The following TLE6 variants were observed in gnomAD, a reference collection of about 807,000 sequenced individuals.
TLE6 encodes TLE family member 6, subcortical maternal complex member.
A neutral mutation model predicts 77.1 loss-of-function variants in TLE6; 72 were observed. The ratio of observed to expected loss-of-function variants is 0.93; its 90% confidence interval spans 0.77 to 1.14. The LOEUF (loss-of-function observed/expected upper bound fraction) is 1.14. Among genes scored for constraint, TLE6 ranks in the 50% most tolerant of loss-of-function variants. TLE6 has a pLI of 0.00. For synonymous variants in TLE6, 366 were observed against 287.3 expected (o/e 1.27, Z -2.77); for missense variants, 843 against 747.6 (o/e 1.13, Z -1.49).
chr19:2,982,336 G>A (rs940826650), intron 5 of TLE6, 147 bp downstream of exon 5: 46 of 810,654 alleles, frequency 5.7e-5, no homozygotes, highest in Admixed American at 1.5e-4. Flanking sequence ...TCAGGAGTTC[G>A]AGACCAGCCT....
intron 5 of TLE6, among the ~76,000 whole-genome samples, chr19:2,985,840 C>CA: frequency 2.0e-5 from 3 of 150,814 alleles, no homozygotes; most frequent in Middle Eastern, 3.4e-3. Context: ...CTTTGGGAGG[C>CA]CAAGGCAGGA....
chr19:2,987,556 C>T, intron 8 of TLE6, 168 bp from the exon 9 acceptor site: 1 of 1,089,154 alleles, frequency 9.2e-7, no homozygotes, highest in Non-Finnish European at 1.4e-6. Flanking sequence ...ACCCACAGCC[C>T]AGGGCTTCCA....
chr19:2,982,991 G>A (rs1213930180), intron 5 of TLE6, among the ~76,000 whole-genome samples: 4 of 152,050 alleles, frequency 2.6e-5, no homozygotes, highest in Non-Finnish European at 5.9e-5. Context: ...CCCAGCCCAG[G>A]GCGCCTGGCC....
chr19:2,988,051 C>G, intron 10 of TLE6, 40 bp from the exon 11 acceptor site: 1 of 1,558,330 alleles, frequency 6.4e-7, no homozygotes, highest in Non-Finnish European at 8.7e-7. Flanking sequence ...CACAGATGTG[C>G]GGGGAGGCTG....
At position 2,991,950 on chromosome 19, in the gene TLE6, T is replaced by A. The variant is rs1219893276; in HGVS notation, c.1352T>A (p.Ile451Asn). The A allele has an allele frequency of 6.2e-7, 1 of 1,613,680 alleles. No individual in the cohort carries two copies. The highest frequency in any genetic ancestry group is 8.5e-7 in the Non-Finnish European group (1 of 1,179,978). Residue 451 changes from isoleucine to asparagine, a missense_variant, in exon 14 of 17, where the codon ATC (isoleucine) becomes AAC (asparagine). Physicochemically the swap from Ile to Asn is moderately radical, Grantham distance 149 (BLOSUM62 -3). Transcript: ENST00000246112. The stretch of plus-strand genomic sequence containing the variant: ...CTGCGGTGCTGGGACCAGAGGACCA[T>A]CATGAAACCTCTGGAGTACCAATTC... ...ACLRCWDQRT[I>N]MKPLEYQFKS...
Position 2,987,708 on chromosome 19 carries a change from CT to C in TLE6, c.559-12del. 1 of 1,614,160 alleles carries C rather than the reference CT, an allele frequency of 6.2e-7. No individual in the cohort carries two copies. Among genetic ancestry groups the C allele is most frequent in the Non-Finnish European group, 8.5e-7 (1 of 1,180,008 alleles). The stretch of plus-strand genomic sequence containing the variant: ...AGGCAGGTCAGCAGGCCTGATGAGA[CT>C]TTTCCATTTTCCAGGGGCAGGAAAG... On this transcript the variant is annotated splice_polypyrimidine_tract_variant and intron_variant, in intron 8 of 16. Coordinates refer to ENST00000246112, the MANE Select transcript of TLE6 (RefSeq NM_001143986.2).
rs377451989 is a variant in TLE6 at position 2,989,136 on chromosome 19, C to A, written c.816C>A (p.Ala272=). 1 of 1,614,134 alleles carries A rather than the reference C, an allele frequency of 6.2e-7. No individual in the cohort carries two copies. The highest frequency in any genetic ancestry group is 1.3e-5 in the African/African-American group (1 of 75,060). The part of the protein sequence containing the change: ...DALPGQSKRL[A]VPCKLEKMRI... ...TGCCCGGGCAGTCAAAGAGACTCGC[C>A]GTCCCGTGCAAACTGGAAAAGATGC... Residue 272 remains alanine (A), a synonymous_variant, in exon 12 of 17, where the codon GCC becomes GCA. Coordinates refer to ENST00000246112, the MANE Select transcript of TLE6 (RefSeq NM_001143986.2).
At position 2,989,796 on chromosome 19, in the gene TLE6, G is replaced by T; in HGVS notation, c.1244+11G>T. 6.2e-7 allele frequency: 1 copy of T among 1,608,052 alleles called. No individual in the cohort carries two copies. The highest frequency in any genetic ancestry group is 8.5e-7 in the Non-Finnish European group (1 of 1,175,758). On this transcript the variant is annotated intron_variant, in intron 13 of 16. Transcript: ENST00000246112. Reference sequence around the variant, plus strand: ...TCAGAGTGTGGTCAGGTGCGTTTGGGGGGTGGGAAGGGGAAGCATCCTGTG... The same window carrying T: ...TCAGAGTGTGGTCAGGTGCGTTTGGTGGGTGGGAAGGGGAAGCATCCTGTG...
At position 2,987,197 on chromosome 19, in the gene TLE6, T is replaced by C; in HGVS notation, c.500T>C (p.Phe167Ser). ...DTLTEQLWRIFAGVHDEKAKP... is the reference protein window; with the variant it reads ...DTLTEQLWRISAGVHDEKAKP... ...CTGACCGAGCAACTCTGGCGGATTT[T>C]TGCCGGCGTCCACGATGAGAAGGCA... Residue 167 changes from phenylalanine (F) to serine (S), a missense_variant, in exon 7 of 17, where the codon TTT (phenylalanine) becomes TCT (serine). Physicochemically the swap from Phe to Ser is radical, Grantham distance 155. Transcript: ENST00000246112. 1 of 1,614,090 alleles carries C rather than the reference T, an allele frequency of 6.2e-7. No individual in the cohort carries two copies. Among genetic ancestry groups the C allele is most frequent in the Non-Finnish European group, 8.5e-7 (1 of 1,180,020 alleles).
At chr19:2,981,483 T>A in intron 3 of TLE6, 55 bp from the exon 4 acceptor site, 3 of 1,539,600 alleles carry the variant, frequency 1.9e-6, no homozygotes, top group Non-Finnish European at 2.6e-6. Context: ...GGGCTCACTC[T>A]GGGGAGGGAG....
intron 5 of TLE6, chr19:2,984,385 C>G (rs1323655726): frequency 6.6e-6 from 1 of 150,826 alleles, no homozygotes; most frequent in Non-Finnish European, 1.5e-5. Flanking sequence ...CCCCTCCCGG[C>G]CCCTCCCTCC....
At chr19:2,986,942 T>C (rs980249402) in intron 6 of TLE6, 41 bp from the exon 7 acceptor site, 10 of 1,556,968 alleles carry the variant, frequency 6.4e-6, no homozygotes, top group Non-Finnish European at 8.7e-6. Context: ...GGGTGAAGGC[T>C]CATCCTCAAA....
Position 2,987,806 on chromosome 19 carries a change from AGGG to A in TLE6, c.625+18_625+20del. 6.2e-7 allele frequency: 1 copy of A among 1,614,084 alleles called. No individual in the cohort carries two copies. The highest frequency in any genetic ancestry group is 1.1e-5 in the South Asian group (1 of 91,090). On this transcript the variant is annotated intron_variant, in intron 9 of 16. Transcript: ENST00000246112. ...GATGCCTCCAGTAATCCCAGCGGGCAGGGGCCGACCGACTCCAGGCGGGATGGG... is the reference window on the plus strand; with the variant it reads ...GATGCCTCCAGTAATCCCAGCGGGCAGCCGACCGACTCCAGGCGGGATGGG...
chr19:2,988,099 T>C lies in TLE6; in HGVS notation c.711T>C (p.Pro237=). 6.4e-7 allele frequency: 1 copy of C among 1,552,170 alleles called. No homozygotes were observed. The highest frequency in any genetic ancestry group is 8.7e-7 in the Non-Finnish European group (1 of 1,147,242). The change falls in exon 11 of 17, where the codon CCT becomes CCC. Residue 237 remains proline (P), a synonymous_variant. Coordinates refer to ENST00000246112, the MANE Select transcript of TLE6 (RefSeq NM_001143986.2). ...NTSWGVVQEP[P]GRASRFLQSI... is the part of the protein sequence containing the mutation. Reference sequence around the variant, plus strand: ...ATCTCCCCCGCCTGCAGGAGCCTCCTGGAAGAGCCTCTCGGTTTCTACAGT... The same window carrying C: ...ATCTCCCCCGCCTGCAGGAGCCTCCCGGAAGAGCCTCTCGGTTTCTACAGT...
chr19:2,991,820 C>T, intron 13 of TLE6, 23 bp from the exon 14 acceptor site: 2 of 1,612,202 alleles, frequency 1.2e-6, no homozygotes, highest in Non-Finnish European at 1.7e-6. Context: ...ACCTGATTGC[C>T]TCCCGATGTC....
intron 2 of TLE6, 149 bp downstream of exon 2, chr19:2,978,433 C>A: frequency 1.3e-6 from 1 of 745,052 alleles, no homozygotes; most frequent in South Asian, 1.8e-5. Context: ...AGACAGGTGC[C>A]AAGGAGCCGT....
chr19:2,992,459 C>T (rs1222496819), intron 14 of TLE6, among the ~76,000 whole-genome samples: 3 of 151,666 alleles, frequency 2.0e-5, no homozygotes, highest in East Asian at 3.9e-4. Flanking sequence ...GCAATAAGAG[C>T]GAAACTCTGT....
intron 4 of TLE6, among the ~76,000 whole-genome samples, 190 bp downstream of exon 4, chr19:2,981,773 C>T (rs973877532): frequency 6.6e-6 from 1 of 152,018 alleles, no homozygotes; most frequent in Admixed American, 6.6e-5. Context: ...GAGTTGGAGA[C>T]CAGCCTGGCC....
chr19:2,990,947 A>G (rs2089037431), intron 13 of TLE6, among the ~76,000 whole-genome samples: 1 of 150,130 alleles, frequency 6.7e-6, no homozygotes, highest in Non-Finnish European at 1.5e-5. Flanking sequence ...GTGAGCCAAG[A>G]TGGTGCCACT....
Sources: gnomAD v4.1 joint callset for allele counts (sites outside exome capture counted in the v4.1 genomes callset) on GRCh38, gnomAD v4.1.1 for gene constraint, MANE v1.5 for transcripts, NCBI Gene and HGNC (gene_info 2026-07-23, HGNC 2026-07-21) for gene names.